The following SANBR variants were observed in gnomAD, a reference collection of about 807,000 sequenced individuals.
The protein encoded by SANBR is SANT and BTB domain regulator of class switch recombination.
In SANBR, 77 loss-of-function variants were observed where a neutral mutation model predicts 101.8. The ratio of observed to expected loss-of-function variants is 0.76; its 90% confidence interval spans 0.63 to 0.91. The LOEUF is 0.91. Among genes scored for constraint, SANBR ranks in the 40% least tolerant of loss-of-function variants. The pLI is 0.00. For synonymous variants in SANBR, 279 were observed against 274.7 expected (o/e 1.02, Z -0.15); for missense variants, 875 against 853.0 (o/e 1.03, Z -0.32).
chr2:61,086,931 T>C (rs959498867), intron 8 of SANBR, among the ~76,000 whole-genome samples: 3 of 152,196 alleles, frequency 2.0e-5, no homozygotes, highest in African/African-American at 7.2e-5. Context: ...CAGATTTGGC[T>C]TTTAATAGCA....
chr2:61,124,839 T>G (rs192417943), downstream of SANBR, among the ~76,000 whole-genome samples: 14 of 152,382 alleles, frequency 9.2e-5, no homozygotes, highest in East Asian at 2.7e-3. Context: ...TTTGTTACTT[T>G]CCTTCTTCAC....
intron 5 of SANBR, among the ~76,000 whole-genome samples, chr2:61,076,124 G>C (rs1249552573): frequency 6.6e-6 from 1 of 151,046 alleles, no homozygotes; most frequent in African/African-American, 2.4e-5. Flanking sequence ...CTCCTAGGTA[G>C]CTGGGACTGC....
chr2:61,094,379 T>A (rs962085110), intron 11 of SANBR, among the ~76,000 whole-genome samples: 1 of 152,214 alleles, frequency 6.6e-6, no homozygotes, highest in Admixed American at 6.5e-5. Flanking sequence ...CATATAGCAT[T>A]TAGCTTTTTG....
intron 8 of SANBR, among the ~76,000 whole-genome samples, chr2:61,086,599 G>A (rs1393879364): frequency 6.6e-6 from 1 of 152,114 alleles, no homozygotes; most frequent in Non-Finnish European, 1.5e-5. Flanking sequence ...CCAAATGTGT[G>A]GAATGCTGCC....
intron 11 of SANBR, among the ~76,000 whole-genome samples, chr2:61,095,845 A>C (rs1683004658): frequency 6.6e-6 from 1 of 152,072 alleles, no homozygotes; most frequent in Non-Finnish European, 1.5e-5. Context: ...TGTCCCCTCC[A>C]TCCAGTCCAA....
chr2:61,093,184 C>T (rs1682860323), intron 11 of SANBR: 1 of 152,104 alleles, frequency 6.6e-6, no homozygotes, highest in South Asian at 2.1e-4. Flanking sequence ...GTGGCAAAAG[C>T]AATGGTGCTG....
At chr2:61,135,269 A>G (rs1684809861) in intron 21 of SANBR, among the ~76,000 whole-genome samples, 1 of 152,238 alleles carries the variant, frequency 6.6e-6, no homozygotes, top group Non-Finnish European at 1.5e-5. Flanking sequence ...ATTAGTATAT[A>G]TCACGAACAA....
chr2:61,129,432 G>A (rs574394349), intron 20 of SANBR, among the ~76,000 whole-genome samples: 13 of 140,226 alleles, frequency 9.3e-5, no homozygotes, highest in African/African-American at 1.9e-4. Context: ...CAACAACAGC[G>A]AAACTCCATC....
chr2:61,099,964 A>G (rs1420881113), intron 12 of SANBR, among the ~76,000 whole-genome samples: 1 of 152,166 alleles, frequency 6.6e-6, no homozygotes, highest in Non-Finnish European at 1.5e-5. Flanking sequence ...CTAGATCCAG[A>G]AGCCAGGTTT....
chr2:61,108,092 T>C (rs1301381636), intron 14 of SANBR, among the ~76,000 whole-genome samples: 1 of 152,204 alleles, frequency 6.6e-6, no homozygotes. Context: ...TTGGAAATAA[T>C]ACTGGGAAAG....
chr2:61,106,632 A>G lies in SANBR; in HGVS notation c.1581A>G (p.Pro527=). 4 of 1,597,166 alleles carry G rather than the reference A, an allele frequency of 2.5e-6. No homozygotes were observed. The highest frequency in any genetic ancestry group is 2.6e-6 in the Non-Finnish European group (3 of 1,174,504). ...ATGTTTTACTGGAGCCAAATACACC[A>G]TGGGGTCCCAAAACTGGGGAGCTCA... ...ECDVLLEPNT[P]WGPKTGELNA... is the part of the protein sequence containing the mutation. Residue 527 remains proline (P), a synonymous_variant, in exon 14 of 22, where the codon CCA becomes CCG. Coordinates refer to ENST00000402291, the MANE Select transcript of SANBR (RefSeq NM_001129993.3).
In SANBR at chr2:61,097,944, A is replaced by G. The variant is rs867399328; in HGVS notation, c.1365+92A>G. The G allele has an allele frequency of 1.7e-5, 18 of 1,036,758 alleles. 2 individuals carry two copies. In the Middle Eastern group the frequency reaches 3.3e-3, roughly 192 times the overall value. 64.2% of individuals were successfully genotyped at this position (1,036,758 alleles called of 1,614,324 possible). ...AAAAGACTTCAAACAATACATAAAT[A>G]TAGTAAGAAGCCGTTCCTCTTTATA... On this transcript the variant is annotated intron_variant, in intron 12 of 21. Transcript: ENST00000402291.
At chr2:61,103,799 A>G (rs1317693593) in intron 12 of SANBR, 54 bp from the exon 13 acceptor site, 5 of 1,520,708 alleles carry the variant, frequency 3.3e-6, no homozygotes, top group Non-Finnish European at 4.5e-6. Flanking sequence ...AGTGATCTTT[A>G]AAGGAGTGTT....
chr2:61,113,882 A>G (rs942132987), intron 16 of SANBR, among the ~76,000 whole-genome samples: 11 of 152,212 alleles, frequency 7.2e-5, no homozygotes, highest in African/African-American at 2.7e-4. Flanking sequence ...TCAGCTTCCC[A>G]TAAATGTCCT....
intron 20 of SANBR, among the ~76,000 whole-genome samples, chr2:61,130,113 T>A (rs924688535): frequency 1.3e-5 from 2 of 152,132 alleles, no homozygotes; most frequent in African/African-American, 4.8e-5. Context: ...TTCCTATCTT[T>A]TCTGTTTCTT....
At chr2:61,066,649 C>T (rs1280545723) in intron 1 of SANBR, among the ~76,000 whole-genome samples, 1 of 152,240 alleles carries the variant, frequency 6.6e-6, no homozygotes. Flanking sequence ...CTGCCTGCCC[C>T]ACGGGGCCCC....
At chr2:61,076,647 GAAAA>G (rs1197030502) in intron 5 of SANBR, among the ~76,000 whole-genome samples, 1 of 148,588 alleles carries the variant, frequency 6.7e-6, no homozygotes, top group Non-Finnish European at 1.5e-5. Flanking sequence ...AAAAAAGAAA[GAAAA>G]AGAAATTAGA....
intron 7 of SANBR, 115 bp downstream of exon 7, chr2:61,081,625 AT>A: frequency 8.8e-7 from 1 of 1,142,732 alleles, no homozygotes; most frequent in Non-Finnish European, 1.2e-6. Context: ...TGAAAAAACA[AT>A]TTAAAAAATT....
Position 61,071,702 on chromosome 2 carries a change from A to C in SANBR, c.247A>C (p.Thr83Pro). ...GGCTGCTGGAGAGAGTCCTGTTGAAACTTTAGCCACATATATCAAATCCTC... is the reference window on the plus strand; with the variant it reads ...GGCTGCTGGAGAGAGTCCTGTTGAACCTTTAGCCACATATATCAAATCCTC... The part of the protein sequence containing the change: ...LMAAGESPVE[T>P]LATYIKSSLL... The change falls in exon 4 of 22, where the codon ACT becomes CCT. Residue 83 changes from threonine to proline, a missense_variant. Coordinates refer to ENST00000402291, the MANE Select transcript of SANBR (RefSeq NM_001129993.3). The C allele has an allele frequency of 1.2e-6, 2 of 1,607,754 alleles. No homozygotes were observed. Among genetic ancestry groups the C allele is most frequent in the Non-Finnish European group, 1.7e-6 (2 of 1,177,862 alleles).
Sources: gnomAD v4.1 joint callset for allele counts (sites outside exome capture counted in the v4.1 genomes callset) on GRCh38, gnomAD v4.1.1 for gene constraint, MANE v1.5 for transcripts, NCBI Gene and HGNC (gene_info 2026-07-23, HGNC 2026-07-21) for gene names.